The following GRM5 variants were observed in gnomAD, a reference collection of about 807,000 sequenced individuals.
The protein encoded by GRM5 is metabotropic glutamate receptor 5.
In GRM5, 19 loss-of-function variants were observed where a neutral mutation model predicts 83.1. The ratio of observed to expected loss-of-function variants is 0.23; its 90% CI spans 0.16 to 0.34. GRM5 has a LOEUF of 0.34. GRM5 is among the 10% of genes least tolerant of loss of function. The pLI, the probability that GRM5 is intolerant of heterozygous loss-of-function variation, is 1.00. For missense variants in GRM5, 1,160 were observed against 1,588.3 expected (o/e 0.73, Z 4.58); for synonymous variants, 675 against 633.6 (o/e 1.07, Z -0.98).
rs184605293 is a variant in GRM5 at position 88,933,334 on chromosome 11, G to A, written c.662-83179C>T. ...AACAGCAATGAAGGTGTAAGTGAAA[G>A]TACATAAGCTGGAGTTCCTCTATTG... On this transcript the variant is annotated intron_variant, in intron 2 of 9. Transcript: ENST00000305447. Among the ~76,000 whole-genome samples, 565 of 151,456 alleles carry A rather than the reference G, an allele frequency of 3.7e-3. 1 individual carries two copies. Among genetic ancestry groups the A allele is most frequent in the African/African-American group, 0.013 (539 of 41,400 alleles).
chr11:89,057,515 G>A (rs547280927), intron 1 of GRM5, among the ~76,000 whole-genome samples: 112 of 152,226 alleles, frequency 7.4e-4, no homozygotes, highest in African/African-American at 2.6e-3. Flanking sequence ...TAATTAAAAA[G>A]TTCTGGCAGT....
chr11:88,771,874 C>G (rs11021281), intron 3 of GRM5, among the ~76,000 whole-genome samples: 80,054 of 151,960 alleles, frequency 0.53, 23,810 homozygotes, highest in Non-Finnish European at 0.7. Context: ...ACATCTCCCT[C>G]CATTCCCATG....
At chr11:89,015,348 C>T (rs1940824373) in intron 2 of GRM5, among the ~76,000 whole-genome samples, 1 of 152,184 alleles carries the variant, frequency 6.6e-6, no homozygotes, top group Non-Finnish European at 1.5e-5. Context: ...TGAAGTAACA[C>T]ATGCTATCAC....
chr11:89,001,542 CAGGGACGT>C (rs1437611878), intron 2 of GRM5, among the ~76,000 whole-genome samples: 1 of 152,000 alleles, frequency 6.6e-6, no homozygotes, highest in East Asian at 1.9e-4. Context: ...TGTCAGGGGT[CAGGGACGT>C]AGTGGGTAGG....
chr11:88,808,031 G>A (rs979202251), intron 3 of GRM5, among the ~76,000 whole-genome samples: 5 of 151,744 alleles, frequency 3.3e-5, no homozygotes, highest in African/African-American at 7.3e-5. Context: ...TCTAGATACT[G>A]GTTAATCTAT....
chr11:88,522,965 C>T (rs1941745085), intron 9 of GRM5: 1 of 151,682 alleles, frequency 6.6e-6, no homozygotes, highest in Non-Finnish European at 1.5e-5. Flanking sequence ...CCAAGGAAGC[C>T]TGGTATGTTT....
intron 7 of GRM5, among the ~76,000 whole-genome samples, chr11:88,587,447 C>G (rs1037381631): frequency 6.6e-6 from 1 of 152,042 alleles, no homozygotes; most frequent in African/African-American, 2.4e-5. Context: ...GTGATTGAAA[C>G]TAGAAAGATC....
At chr11:88,884,547 T>C (rs116465633) in intron 2 of GRM5, among the ~76,000 whole-genome samples, 1 of 152,096 alleles carries the variant, frequency 6.6e-6, no homozygotes. Flanking sequence ...AGTATGATTG[T>C]GTTTTGAAAT....
chr11:88,783,445 A>T (rs1218576094), intron 3 of GRM5, among the ~76,000 whole-genome samples: 1 of 152,124 alleles, frequency 6.6e-6, no homozygotes, highest in Non-Finnish European at 1.5e-5. Flanking sequence ...TAGCACACTA[A>T]AAAGAAACAA....
chr11:88,768,991 T>G (rs1942675628), intron 3 of GRM5, among the ~76,000 whole-genome samples: 1 of 151,922 alleles, frequency 6.6e-6, no homozygotes, highest in African/African-American at 2.4e-5. Context: ...CACCAAGGAG[T>G]TGCTGGCCTA....
At chr11:88,887,963 G>A (rs1945074115) in intron 2 of GRM5, among the ~76,000 whole-genome samples, 1 of 152,140 alleles carries the variant, frequency 6.6e-6, no homozygotes, top group Non-Finnish European at 1.5e-5. Flanking sequence ...AACCACCCGA[G>A]GCAGCTATTG....
chr11:88,714,256 G>A (rs373176819), intron 3 of GRM5, among the ~76,000 whole-genome samples: 5 of 151,942 alleles, frequency 3.3e-5, no homozygotes, highest in Non-Finnish European at 5.9e-5. Flanking sequence ...CATGTACTGG[G>A]TTTTTAGGGC....
chr11:88,867,511 C>A (rs1486544060), intron 2 of GRM5, among the ~76,000 whole-genome samples: 1 of 151,616 alleles, frequency 6.6e-6, no homozygotes, highest in African/African-American at 2.4e-5. Context: ...CATGTCAGAG[C>A]ACTGCTGGCT....
intron 2 of GRM5, among the ~76,000 whole-genome samples, chr11:88,999,652 A>T (rs573333265): frequency 6.6e-6 from 1 of 152,274 alleles, no homozygotes; most frequent in South Asian, 2.1e-4. Context: ...ACTGTAAACT[A>T]GTTCAACCAT....
intron 2 of GRM5, among the ~76,000 whole-genome samples, chr11:89,022,439 G>A (rs1415274575): frequency 2.7e-5 from 4 of 149,194 alleles, no homozygotes; most frequent in South Asian, 2.1e-4. Flanking sequence ...TCAGGAGCTC[G>A]AGACCAGCCT....
intron 3 of GRM5, among the ~76,000 whole-genome samples, chr11:88,820,373 T>TAAAAA (rs1943767524): frequency 4.1e-5 from 1 of 24,254 alleles, no homozygotes; most frequent in African/African-American, 6.4e-4. Flanking sequence ...AAACTCCATC[T>TAAAAA]CAAAAAAAAA....
intron 3 of GRM5, among the ~76,000 whole-genome samples, chr11:88,665,139 T>C (rs899296988): frequency 6.4e-5 from 8 of 125,160 alleles, no homozygotes; most frequent in African/African-American, 2.2e-4. Flanking sequence ...AAAATGTAGA[T>C]AGAAGAGATA....
intron 2 of GRM5, among the ~76,000 whole-genome samples, chr11:88,923,007 G>T (rs1452907485): frequency 2.0e-5 from 3 of 151,322 alleles, no homozygotes; most frequent in African/African-American, 7.3e-5. Context: ...AGAGAAATGT[G>T]AATCAAAACT....
At chr11:88,721,162 C>T (rs1941529218) in intron 3 of GRM5, among the ~76,000 whole-genome samples, 1 of 151,988 alleles carries the variant, frequency 6.6e-6, no homozygotes, top group South Asian at 2.1e-4. Flanking sequence ...CATGTAAAAA[C>T]ATTTAGCACC....
Sources: allele counts gnomAD v4.1 joint callset (sites outside exome capture counted in the v4.1 genomes callset), GRCh38; gene constraint gnomAD v4.1.1; transcripts MANE v1.5; gene names NCBI Gene and HGNC (gene_info 2026-07-23, HGNC 2026-07-21).